The following ADCY1 variants were observed in gnomAD, a reference collection of about 807,000 sequenced individuals.
ADCY1 encodes adenylate cyclase type 1.
ADCY1 carries 28 observed loss-of-function variants against 105.4 expected under a neutral mutation model. The ratio of observed to expected loss-of-function variants is 0.27; its 90% CI spans 0.20 to 0.36. ADCY1 has a LOEUF of 0.36. ADCY1 is among the 10% of genes least tolerant of loss of function. The pLI, the probability that ADCY1 is intolerant of heterozygous loss-of-function variation, is 1.00. For synonymous variants in ADCY1, 655 were observed against 623.8 expected (o/e 1.05, Z -0.75); for missense variants, 977 against 1,434.2 (o/e 0.68, Z 5.15).
chr7:45,594,654 G>T (rs887135739), intron 2 of ADCY1, among the ~76,000 whole-genome samples: 1 of 152,046 alleles, frequency 6.6e-6, no homozygotes, highest in African/African-American at 2.4e-5. Context: ...AGCCTTTGCT[G>T]CTTGATGTGC....
rs1336907710 is a variant in ADCY1, at chr7:45,719,401, A to G, written c.*5406A>G. 1 of 152,266 alleles carries G rather than the reference A, an allele frequency of 6.6e-6. No homozygotes were observed. Among genetic ancestry groups the G allele is most frequent in the Non-Finnish European group, 1.5e-5 (1 of 68,040 alleles). 9.4% of individuals were successfully genotyped at this position (152,266 alleles called of 1,614,324 possible). On this transcript the variant is annotated 3_prime_UTR_variant, in exon 20 of 20. Coordinates refer to ENST00000297323, the MANE Select transcript of ADCY1 (RefSeq NM_021116.4). ...AGATCCTGTACTAGGATGTGAGGAT[A>G]TCTGTCACCTGCGTGGTCCATTCCA... is the stretch of plus-strand genomic sequence containing the variant.
chr7:45,710,345 CCT>C lies in ADCY1; in HGVS notation c.2933-178_2933-177del, dbSNP rs1157598407. Among the ~76,000 whole-genome samples, 2 of 152,088 alleles carry C rather than the reference CCT, an allele frequency of 1.3e-5. No homozygotes were observed. Among genetic ancestry groups the C allele is most frequent in the African/African-American group, 4.8e-5 (2 of 41,398 alleles). Reference sequence around the variant, plus strand: ...GGGAGCCCGTGCAGCAGGGCAGCTGCCTCTCTGGTGCTGTGTGTGATGCTTCA... The same window carrying C: ...GGGAGCCCGTGCAGCAGGGCAGCTGCCTCTGGTGCTGTGTGTGATGCTTCA... On this transcript the variant is annotated intron_variant, in intron 18 of 19. Transcript: ENST00000297323. This position sits in a 1 kb window ranked among gnomAD's most constrained non-coding sequence, Gnocchi z 4.7.
At chr7:45,633,214 G>A (rs900200858) in intron 4 of ADCY1, among the ~76,000 whole-genome samples, 2 of 152,144 alleles carry the variant, frequency 1.3e-5, no homozygotes, top group East Asian at 1.9e-4. Flanking sequence ...CACAGCACCC[G>A]GCCAATGCTG....
In ADCY1 at chr7:45,591,092, G is replaced by A. The variant is rs1231807310; in HGVS notation, c.640-1667G>A. 3.3e-5 allele frequency among the ~76,000 whole-genome samples: 5 copies of A among 152,278 alleles called. No individual in the cohort carries two copies. Among genetic ancestry groups the A allele is most frequent in the Middle Eastern group, 3.4e-3 (1 of 294 alleles). On this transcript the variant is annotated intron_variant, in intron 1 of 19. Coordinates refer to ENST00000297323, the MANE Select transcript of ADCY1 (RefSeq NM_021116.4). This position sits in a 1 kb window ranked among gnomAD's most constrained non-coding sequence, Gnocchi z 4.1. Reference sequence around the variant, plus strand: ...TGTTGTTTCCAGATTGCATGTGACCGTTGGTCCTAGGTTTGTTTTCCAGCC... The same window carrying A: ...TGTTGTTTCCAGATTGCATGTGACCATTGGTCCTAGGTTTGTTTTCCAGCC...
intron 8 of ADCY1, among the ~76,000 whole-genome samples, chr7:45,668,054 T>C (rs1393900677): frequency 3.9e-5 from 6 of 152,240 alleles, no homozygotes; most frequent in Non-Finnish European, 8.8e-5. Flanking sequence ...TTTCTAGATA[T>C]AGAATCATGT....
chr7:45,650,481 A>G (rs1794781759), intron 5 of ADCY1, among the ~76,000 whole-genome samples: 1 of 151,982 alleles, frequency 6.6e-6, no homozygotes, highest in Non-Finnish European at 1.5e-5. Context: ...TTGCTTAGTA[A>G]ATATTTGTGA....
chr7:45,589,832 G>C (rs1396438987), intron 1 of ADCY1, among the ~76,000 whole-genome samples: 6 of 152,072 alleles, frequency 3.9e-5, no homozygotes, highest in Non-Finnish European at 7.4e-5. Flanking sequence ...TCCTAGAGGA[G>C]TGGGTTGTTT....
chr7:45,648,549 A>G (rs1584301394), intron 4 of ADCY1, 121 bp from the exon 5 acceptor site: 1 of 1,357,982 alleles, frequency 7.4e-7, no homozygotes, highest in Non-Finnish European at 1.0e-6. Flanking sequence ...GTGGTGGCCC[A>G]GGTGCAGCAT....
Position 45,575,819 on chromosome 7 carries a change from C to A in ADCY1, c.639+637C>A, listed in dbSNP as rs1792326758. Among the ~76,000 whole-genome samples the A allele has an allele frequency of 6.6e-6, 1 of 152,254 alleles. No individual in the cohort carries two copies. Among genetic ancestry groups the A allele is most frequent in the Admixed American group, 6.5e-5 (1 of 15,290 alleles). ...CCACTCGGCGGTTGCCCTGACCCTG[C>A]CTTTTCTGCGCCCGAACTTTGTCAC... is the stretch of plus-strand genomic sequence containing the variant. On this transcript the variant is annotated intron_variant, in intron 1 of 19. Coordinates refer to ENST00000297323, the MANE Select transcript of ADCY1 (RefSeq NM_021116.4). This position sits in a 1 kb window ranked among gnomAD's most constrained non-coding sequence, Gnocchi z 4.7.
chr7:45,640,323 G>A (rs1347571771), intron 4 of ADCY1, among the ~76,000 whole-genome samples: 2 of 152,222 alleles, frequency 1.3e-5, no homozygotes, highest in Non-Finnish European at 2.9e-5. Context: ...TGGCTTGCAA[G>A]CAAGGTTTTT....
At position 45,686,900 on chromosome 7, in the gene ADCY1, TG is replaced by T. The variant is rs1364246894; in HGVS notation, c.2454+231del. Among the ~76,000 whole-genome samples the T allele has an allele frequency of 1.3e-5, 2 of 152,032 alleles. No homozygotes were observed. Among genetic ancestry groups the T allele is most frequent in the African/African-American group, 4.8e-5 (2 of 41,398 alleles). ...CGTGAGAGGACAGTTCAGAAGGTTG[TG>T]GGGTGCATGTTGTGGAGACCTGCCT... On this transcript the variant is annotated intron_variant, in intron 14 of 19. Coordinates refer to ENST00000297323, the MANE Select transcript of ADCY1 (RefSeq NM_021116.4). This position sits in a 1 kb window ranked among gnomAD's most constrained non-coding sequence, Gnocchi z 4.3.
At chr7:45,711,605 CTGTA>C (rs537180336) in intron 19 of ADCY1, among the ~76,000 whole-genome samples, 138 of 63,188 alleles carry the variant, frequency 2.2e-3, no homozygotes, top group African/African-American at 8.1e-3. Flanking sequence ...GAACTTCGTG[CTGTA>C]TATATATATA....
chr7:45,578,338 A>G (rs539532212), intron 1 of ADCY1, among the ~76,000 whole-genome samples: 2 of 152,300 alleles, frequency 1.3e-5, no homozygotes, highest in African/African-American at 4.8e-5. Flanking sequence ...AAGTGGCCAG[A>G]ACTGAGTTCC....
At chr7:45,605,484 T>A (rs1253576681) in intron 2 of ADCY1, among the ~76,000 whole-genome samples, 1 of 152,138 alleles carries the variant, frequency 6.6e-6, no homozygotes, top group Non-Finnish European at 1.5e-5. Context: ...ATTTTTTTTC[T>A]ATTTTCATTT....
intron 8 of ADCY1, among the ~76,000 whole-genome samples, chr7:45,675,512 C>CT (rs1380205634): frequency 3.9e-5 from 6 of 151,912 alleles, no homozygotes; most frequent in African/African-American, 1.2e-4. Context: ...TTACTATTTT[C>CT]TTTTTTGTTT....
Position 45,712,080 on chromosome 7 carries a change from T to A in ADCY1, c.3057+1428T>A, listed in dbSNP as rs1392608098. Among the ~76,000 whole-genome samples, 73 of 132,794 alleles carry A rather than the reference T, an allele frequency of 5.5e-4. 1 individual carries two copies. The East Asian group carries it at 0.013, about 23-fold the overall frequency. The allele number at this position is 132,794 out of a possible 152,430, so 87.1% of individuals were successfully genotyped here. On this transcript the variant is annotated intron_variant, in intron 19 of 19. Coordinates refer to ENST00000297323, the MANE Select transcript of ADCY1 (RefSeq NM_021116.4). Reference sequence around the variant, plus strand: ...TAAATATATATTTTATATATTATATTAAATATATAATATATTTTATAATTT... The same window carrying A: ...TAAATATATATTTTATATATTATATAAAATATATAATATATTTTATAATTT...
Position 45,634,396 on chromosome 7 carries a change from C to G in ADCY1, c.1020+11653C>G, listed in dbSNP as rs1794342296. Among the ~76,000 whole-genome samples the G allele has an allele frequency of 2.7e-5, 4 of 147,944 alleles. No homozygotes were observed. The Admixed American group carries it at 2.7e-4, about 10-fold the overall frequency. ...TGTGGATACTTTTTATCAAGTTGAGCAAGTTTCCTTTTATTTCTAGTTTGC... is the reference window on the plus strand; with the variant it reads ...TGTGGATACTTTTTATCAAGTTGAGGAAGTTTCCTTTTATTTCTAGTTTGC... On this transcript the variant is annotated intron_variant, in intron 4 of 19. Coordinates refer to ENST00000297323, the MANE Select transcript of ADCY1 (RefSeq NM_021116.4).
intron 2 of ADCY1, among the ~76,000 whole-genome samples, chr7:45,601,017 A>G (rs541681090): frequency 6.6e-5 from 10 of 152,226 alleles, no homozygotes; most frequent in African/African-American, 2.4e-4. Flanking sequence ...CATAGCAGCC[A>G]CTAAACAACA....
intron 4 of ADCY1, 114 bp downstream of exon 4, chr7:45,622,857 T>G (rs1793937468): frequency 2.5e-6 from 2 of 794,364 alleles, no homozygotes; most frequent in Admixed American, 4.6e-5. Context: ...GCTAAGCATT[T>G]CTTCCAGCAA....
Sources: allele counts gnomAD v4.1 joint callset (sites outside exome capture counted in the v4.1 genomes callset), GRCh38; gene constraint gnomAD v4.1.1; non-coding constraint Gnocchi (gnomAD v3.1); transcripts MANE v1.5; gene names NCBI Gene and HGNC (gene_info 2026-07-23, HGNC 2026-07-21).